Variants in NAT16 observed in about 807,000 individuals in gnomAD.
NAT16 encodes the protein probable N-acetyltransferase 16.
Under a neutral mutation model 15.9 loss-of-function variants are expected in NAT16, and 16 were observed. The observed-to-expected ratio is 1.01, with a 90% CI of 0.68 to 1.53. NAT16 has a LOEUF of 1.53. Ranked by LOEUF, NAT16 falls within the 40% of genes most tolerant of loss-of-function variation. NAT16 has a pLI of 0.00. For synonymous variants in NAT16, 260 were observed against 241.9 expected, an observed-to-expected ratio of 1.07 and a Z score of -0.69; for missense variants, 572 against 508.4, an observed-to-expected ratio of 1.13 and a Z score of -1.20.
chr7:101,171,441 G>A lies in NAT16; in HGVS notation c.*638C>T, dbSNP rs10953326. The A allele has an allele frequency of 0.14, 21,529 of 152,636 alleles. 1,686 individuals are homozygous for A. Among genetic ancestry groups the A allele is most frequent in the South Asian group, 0.18 (857 of 4,830 alleles). The allele number at this position is 152,636 out of a possible 1,614,324, so 9.5% of individuals were successfully genotyped here. On this transcript the variant is annotated 3_prime_UTR_variant, in exon 4 of 4. Transcript: ENST00000300303. ...ACAGGGACAGAAAAATGGGCACTGC[G>A]GTGTTAAGCGTCGTAGAGATCCAGC...
rs1399359434 is a variant in NAT16 at position 101,172,581 on chromosome 7, C to T, written c.608G>A (p.Arg203Gln). The T allele has an allele frequency of 9.8e-6, 15 of 1,531,364 alleles. No homozygotes were observed. Among genetic ancestry groups the T allele is most frequent in the Non-Finnish European group, 1.2e-5 (14 of 1,147,952 alleles). The allele number at this position is 1,531,364 out of a possible 1,614,324, so 94.9% of individuals were successfully genotyped here. The change falls in exon 4 of 4, where the codon CGG becomes CAG. Residue 203 changes from arginine (R) to glutamine (Q), a missense_variant. Transcript: ENST00000300303. The surrounding 1 kb of genome is among the most constrained non-coding windows in gnomAD (Gnocchi z 4.2). ...CAGCGGCGAGAAGGTGCCAGAGGTCCGCAGCGCCGCCAGCCGCGCGCCCAG... is the reference window on the plus strand; with the variant it reads ...CAGCGGCGAGAAGGTGCCAGAGGTCTGCAGCGCCGCCAGCCGCGCGCCCAG... ...AGLGARLAAL[R>Q]TSGTFSPLPT...
In NAT16 at chr7:101,173,494, G is replaced by T. The variant is rs1318251666; in HGVS notation, c.339C>A (p.Ile113=). Residue 113 remains isoleucine, a synonymous_variant, in exon 3 of 4, where the codon ATC becomes ATA. Coordinates refer to ENST00000300303, the MANE Select transcript of NAT16 (RefSeq NM_198571.3). ...CCACCAGCACCGTCTCCCCGGCGTC[G>T]ATCACGTTCACCGACTCCAGCGCGA... ...GVIALESVNV[I]DAGETVLVEG... 6.2e-7 allele frequency: 1 copy of T among 1,605,542 alleles called. No homozygotes were observed.
At position 101,172,696 on chromosome 7, in the gene NAT16, GCTGGCGAGCCCGGC is replaced by G. The variant is rs1797359278; in HGVS notation, c.538-59_538-46del. The G allele has an allele frequency of 9.4e-6, 13 of 1,387,020 alleles. No individual in the cohort carries two copies. In the East Asian group the frequency reaches 3.7e-4, roughly 39 times the overall value. The allele number at this position is 1,387,020 out of a possible 1,614,324, so 85.9% of individuals were successfully genotyped here. A position where few individuals can be genotyped will look rare whatever the true frequency, so the allele number is the denominator to read the frequency against. On this transcript the variant is annotated intron_variant, in intron 3 of 3. Coordinates refer to ENST00000300303, the MANE Select transcript of NAT16 (RefSeq NM_198571.3). The surrounding 1 kb of genome is among the most constrained non-coding windows in gnomAD (Gnocchi z 4.2). The stretch of plus-strand genomic sequence containing the variant: ...GCGCGGGGAGGGGGGGCGCAGCAGG[GCTGGCGAGCCCGGC>G]GCCTCTCGGCAGGCATCTTCACTCC...
At chr7:101,178,058 G>A (rs955216185) in intron 1 of NAT16, among the ~76,000 whole-genome samples, 8 of 152,196 alleles carry the variant, frequency 5.3e-5, no homozygotes, top group Non-Finnish European at 1.2e-4. Flanking sequence ...GTGAGCAACC[G>A]GTAGACTGGA....
At chr7:101,174,107 C>T (rs971745409) in intron 2 of NAT16, 6 of 338,662 alleles carry the variant, frequency 1.8e-5, no homozygotes, top group African/African-American at 1.3e-4. Flanking sequence ...CTTGGCTCCT[C>T]CCCCGGGAGT....
chr7:101,172,030 C>T lies in NAT16; in HGVS notation c.*49G>A. The T allele has an allele frequency of 7.3e-7, 1 of 1,362,054 alleles. No individual in the cohort carries two copies. The highest frequency in any genetic ancestry group is 1.2e-5 in the South Asian group (1 of 80,212). The allele number at this position is 1,362,054 out of a possible 1,614,324, so 84.4% of individuals were successfully genotyped here. On this transcript the variant is annotated 3_prime_UTR_variant, in exon 4 of 4. Transcript: ENST00000300303. The surrounding 1 kb of genome is among the most constrained non-coding windows in gnomAD (Gnocchi z 4.2). ...GCAGGAAAGAGGCTGGCTGGGGAAA[C>T]TGCGGAAGGGGGCGGGTCTTTTTCC...
At chr7:101,173,705 C>T (rs1032582173) in intron 2 of NAT16, 185 bp from the exon 3 acceptor site, 1 of 548,540 alleles carries the variant, frequency 1.8e-6, no homozygotes, top group East Asian at 3.2e-5. Context: ...AGTCATTCGC[C>T]GGGGCTTCGT....
At position 101,174,702 on chromosome 7, in the gene NAT16, C is replaced by T. The variant is rs369470948; in HGVS notation, c.106G>A (p.Val36Met). 1.0e-4 allele frequency: 164 copies of T among 1,613,268 alleles called. No individual in the cohort carries two copies. The highest frequency in any genetic ancestry group is 1.2e-4 in the Non-Finnish European group (147 of 1,180,012). The change falls in exon 2 of 4, where the codon GTG (valine) becomes ATG (methionine). Residue 36 changes from valine (V) to methionine (M), a missense_variant. By Grantham distance (21) the Val-to-Met change is conservative (BLOSUM62 1). Coordinates refer to ENST00000300303, the MANE Select transcript of NAT16 (RefSeq NM_198571.3). ...EPSSETRPQEVEAEPRSGSGP... is the reference protein window; with the variant it reads ...EPSSETRPQEMEAEPRSGSGP... ...GATCCCGACCTGGGCTCGGCCTCCA[C>T]CTCCTGTGGCCGGGTTTCAGAGCTT...
chr7:101,173,179 G>A, intron 3 of NAT16, 117 bp downstream of exon 3: 4 of 939,200 alleles, frequency 4.3e-6, no homozygotes, highest in East Asian at 2.6e-5. Flanking sequence ...CTCATGGGCC[G>A]CGCCACTCGG....
chr7:101,174,872 C>A, intron 1 of NAT16, 61 bp from the exon 2 acceptor site: 1 of 1,495,706 alleles, frequency 6.7e-7, no homozygotes. Context: ...ATCTGGGCCC[C>A]TGCACACAAA....
chr7:101,174,171 C>T (rs1584221373), intron 2 of NAT16: 1 of 439,000 alleles, frequency 2.3e-6, no homozygotes, highest in Non-Finnish European at 4.0e-6. Context: ...CTAAGCTCTT[C>T]CTGCTCCCAC....
rs1283468272 is a variant in NAT16 at position 101,172,067 on chromosome 7, AGAG to A, written c.*9_*11del. On this transcript the variant is annotated 3_prime_UTR_variant, in exon 4 of 4. Coordinates refer to ENST00000300303, the MANE Select transcript of NAT16 (RefSeq NM_198571.3). This position sits in a 1 kb window ranked among gnomAD's most constrained non-coding sequence, Gnocchi z 4.2. ...GCGGGTCTTTTTCCCCCTCCCCGCC[AGAG>A]GAGAGGCCTCAGATGTCGGCCTCCA... 1 of 1,581,686 alleles carries A rather than the reference AGAG, an allele frequency of 6.3e-7. No individual in the cohort carries two copies. Among genetic ancestry groups the A allele is most frequent in the African/African-American group, 1.4e-5 (1 of 73,776 alleles).
chr7:101,172,331 GA>G lies in NAT16; in HGVS notation c.857del (p.Ile286ThrfsTer71). The stretch of plus-strand genomic sequence containing the variant: ...GCCAAGTGCCGTCCCCTCCGTGCGG[GA>G]TGGGGAAGGGGCGCGTGCACAGCGT... ...VLTLCTRPFP[I>X]PHGGDGTWRY... is the part of the protein sequence containing the mutation. On this transcript the variant is annotated frameshift_variant, in exon 4 of 4. Coordinates refer to ENST00000300303, the MANE Select transcript of NAT16 (RefSeq NM_198571.3). LOFTEE classifies it low-confidence loss of function (END_TRUNC). This position sits in a 1 kb window ranked among gnomAD's most constrained non-coding sequence, Gnocchi z 4.2. 6.2e-7 allele frequency: 1 copy of G among 1,603,698 alleles called. No homozygotes were observed. Among genetic ancestry groups the G allele is most frequent in the Non-Finnish European group, 8.5e-7 (1 of 1,176,344 alleles).
In NAT16 at chr7:101,172,896, A is replaced by T. The variant is rs1482880359; in HGVS notation, c.538-245T>A. Among the ~76,000 whole-genome samples, 3 of 152,188 alleles carry T rather than the reference A, an allele frequency of 2.0e-5. No homozygotes were observed. Among genetic ancestry groups the T allele is most frequent in the African/African-American group, 7.2e-5 (3 of 41,462 alleles). ...TGGATCCCCAAGAAGAGGTGGGATC[A>T]GTATGGAGTAGCCAGGGAACTGAGG... On this transcript the variant is annotated intron_variant, in intron 3 of 3. Coordinates refer to ENST00000300303, the MANE Select transcript of NAT16 (RefSeq NM_198571.3). The surrounding 1 kb of genome is among the most constrained non-coding windows in gnomAD (Gnocchi z 4.2).
At position 101,173,479 on chromosome 7, in the gene NAT16, C is replaced by T; in HGVS notation, c.354G>A (p.Thr118=). 4.3e-6 allele frequency: 7 copies of T among 1,609,550 alleles called. No homozygotes were observed. The highest frequency in any genetic ancestry group is 5.9e-6 in the Non-Finnish European group (7 of 1,177,658). Residue 118 remains threonine (T), a synonymous_variant, in exon 3 of 4, where the codon ACG becomes ACA. Transcript: ENST00000300303. ...ESVNVIDAGE[T]VLVEGLRVAP... Reference sequence around the variant, plus strand: ...CCACGCGCAGCCCCTCCACCAGCACCGTCTCCCCGGCGTCGATCACGTTCA... The same window carrying T: ...CCACGCGCAGCCCCTCCACCAGCACTGTCTCCCCGGCGTCGATCACGTTCA...
intron 1 of NAT16, among the ~76,000 whole-genome samples, chr7:101,176,169 C>G (rs1037634142): frequency 3.3e-5 from 5 of 152,156 alleles, no homozygotes; most frequent in African/African-American, 4.8e-5. Context: ...CCTGTCCCCC[C>G]ACCTCCACCT....
chr7:101,172,295 G>GTTGA lies in NAT16; in HGVS notation c.890_893dup (p.Ile299GlnfsTer7). On this transcript the variant is annotated frameshift_variant, in exon 4 of 4. Coordinates refer to ENST00000300303, the MANE Select transcript of NAT16 (RefSeq NM_198571.3). LOFTEE classifies it low-confidence loss of function (END_TRUNC). The surrounding 1 kb of genome is among the most constrained non-coding windows in gnomAD (Gnocchi z 4.2). ...CGCCGTCGCTACCGAAGGCGTCGAT[G>GTTGA]TTGAGATAGCGCCAAGTGCCGTCCC... 4 of 1,612,178 alleles carry GTTGA rather than the reference G, an allele frequency of 2.5e-6. No individual in the cohort carries two copies. In the South Asian group the frequency reaches 4.4e-5, roughly 18 times the overall value.
rs1797314160 is a variant in NAT16, at chr7:101,171,228, A to T, written c.*851T>A. 6.5e-6 allele frequency: 1 copy of T among 152,888 alleles called. No homozygotes were observed. The highest frequency in any genetic ancestry group is 1.5e-5 in the Non-Finnish European group (1 of 68,290). The allele number at this position is 152,888 out of a possible 1,614,324, so 9.5% of individuals were successfully genotyped here. A position where few individuals can be genotyped will look rare whatever the true frequency, so the allele number is the denominator to read the frequency against. ...CCGCCCGGCTCGGGTGAGCTGGGGC[A>T]CGGGGGAGCCTGCGAAATAGCAAAG... On this transcript the variant is annotated 3_prime_UTR_variant, in exon 4 of 4. Transcript: ENST00000300303.
Position 101,174,742 on chromosome 7 carries a change from G to A in NAT16, c.66C>T (p.Ala22=), listed in dbSNP as rs1417539836. 21 of 1,607,732 alleles carry A rather than the reference G, an allele frequency of 1.3e-5. No individual in the cohort carries two copies. The highest frequency in any genetic ancestry group is 1.7e-5 in the Non-Finnish European group (20 of 1,178,800). Residue 22 remains alanine (A), a synonymous_variant, in exon 2 of 4, where the codon GCC becomes GCT. Transcript: ENST00000300303. ...SEVPKPEKKT[A]RDAEPSSETR... ...TTTCAGAGCTTGGCTCTGCATCTCG[G>A]GCAGTCTTCTTTTCCGGCTTAGGGA...
Sources: gnomAD v4.1 joint callset for allele counts (sites outside exome capture counted in the v4.1 genomes callset) on GRCh38, gnomAD v4.1.1 for gene constraint, Gnocchi (gnomAD v3.1) non-coding constraint, MANE v1.5 for transcripts, NCBI Gene and HGNC (gene_info 2026-07-23, HGNC 2026-07-21) for gene names.